Variants in PTPRO observed in about 807,000 individuals in gnomAD.
PTPRO encodes protein tyrosine phosphatase receptor type O.
A neutral mutation model predicts 145.2 loss-of-function variants in PTPRO; 62 were observed. That is an observed-to-expected ratio of 0.43 (90% CI 0.35 to 0.53). PTPRO has a LOEUF of 0.53. PTPRO is among the 20% of genes least tolerant of loss of function. The probability of loss-of-function intolerance (pLI) is 0.01; values close to 1 mark genes in which losing one functional copy is unlikely to be tolerated. For missense variants in PTPRO, 1,345 were observed against 1,482.7 expected (o/e 0.91, Z 1.53); for synonymous variants, 565 against 514.7 (o/e 1.10, Z -1.32).
chr12:15,580,488 G>C (rs1944286703), intron 21 of PTPRO, among the ~76,000 whole-genome samples: 1 of 152,200 alleles, frequency 6.6e-6, no homozygotes, highest in East Asian at 1.9e-4. Flanking sequence ...ACAGCCTTCT[G>C]GATAACAATG....
At chr12:15,528,350 A>C (rs1942886522) in intron 12 of PTPRO, among the ~76,000 whole-genome samples, 2 of 137,852 alleles carry the variant, frequency 1.5e-5, no homozygotes, top group African/African-American at 5.9e-5. Context: ...CCCTGTCTCT[A>C]ATAAAAATAC....
At chr12:15,462,353 T>C (rs1209144535) in intron 1 of PTPRO, among the ~76,000 whole-genome samples, 1 of 152,092 alleles carries the variant, frequency 6.6e-6, no homozygotes, top group Non-Finnish European at 1.5e-5. Context: ...CTCAAACTCC[T>C]GACCTCAAGT....
chr12:15,521,371 A>G (rs982933237), intron 10 of PTPRO, among the ~76,000 whole-genome samples: 8 of 152,218 alleles, frequency 5.3e-5, no homozygotes, highest in Non-Finnish European at 1.0e-4. Context: ...AGAAAACTGA[A>G]AGAATACCCA....
rs1304747374 is a variant in PTPRO at position 15,414,831 on chromosome 12, C to T, written c.76-69143C>T. On this transcript the variant is annotated intron_variant, in intron 1 of 26. Transcript: ENST00000281171. ...ATGGATGTGATTTTTTTCTTGGAAA[C>T]GGGAATTTAATCACCTAATAGAGTC... Among the ~76,000 whole-genome samples the T allele has an allele frequency of 2.6e-5, 4 of 152,176 alleles. No homozygotes were observed. The East Asian group carries it at 5.8e-4, about 22-fold the overall frequency.
In PTPRO at chr12:15,505,415, T is replaced by A. The variant is rs186690283; in HGVS notation, c.1267+1346T>A. On this transcript the variant is annotated intron_variant, in intron 6 of 26. Coordinates refer to ENST00000281171, the MANE Select transcript of PTPRO (RefSeq NM_030667.3). ...AGAAATATTTATGGAACCACTTATA[T>A]CTTTCATGCACTCTGCTCTATTCTT... Among the ~76,000 whole-genome samples, 4 of 152,366 alleles carry A rather than the reference T, an allele frequency of 2.6e-5. No homozygotes were observed. The East Asian group carries it at 5.8e-4, about 22-fold the overall frequency.
At chr12:15,452,442 T>A (rs1941071118) in intron 1 of PTPRO, among the ~76,000 whole-genome samples, 1 of 152,144 alleles carries the variant, frequency 6.6e-6, no homozygotes, top group African/African-American at 2.4e-5. Flanking sequence ...CCAATCCTGT[T>A]GACACTATTC....
At chr12:15,580,390 C>G (rs995942168) in intron 21 of PTPRO, among the ~76,000 whole-genome samples, 2 of 152,166 alleles carry the variant, frequency 1.3e-5, no homozygotes, top group Non-Finnish European at 2.9e-5. Context: ...ATTCAGCAAC[C>G]AAATTCAAAG....
At position 15,551,377 on chromosome 12, in the gene PTPRO, C is replaced by T. The variant is rs552963649; in HGVS notation, c.2438-174C>T. Among the ~76,000 whole-genome samples, 28 of 152,218 alleles carry T rather than the reference C, an allele frequency of 1.8e-4. No individual in the cohort carries two copies. In the South Asian group the frequency reaches 5.8e-3, roughly 32 times the overall value. ...CAATACCACTTATCAGTCTAGTTTGCTAAGTTACAGTTGACCAGGAAGAGG... is the reference window on the plus strand; with the variant it reads ...CAATACCACTTATCAGTCTAGTTTGTTAAGTTACAGTTGACCAGGAAGAGG... On this transcript the variant is annotated intron_variant, in intron 14 of 26. Coordinates refer to ENST00000281171, the MANE Select transcript of PTPRO (RefSeq NM_030667.3).
chr12:15,588,869 C>A lies in PTPRO; in HGVS notation c.3411-586C>A, dbSNP rs533488405. On this transcript the variant is annotated intron_variant, in intron 24 of 26. Coordinates refer to ENST00000281171, the MANE Select transcript of PTPRO (RefSeq NM_030667.3). ...CCCTACTTTTCTGCAGAAGCAGAGA[C>A]CCCGATAAAGGGTGTGGCCAATGCA... Among the ~76,000 whole-genome samples, 12 of 152,238 alleles carry A rather than the reference C, an allele frequency of 7.9e-5. No homozygotes were observed. In the East Asian group the frequency reaches 2.3e-3, roughly 29 times the overall value.
At chr12:15,339,239 G>A (rs1484225099) in intron 1 of PTPRO, among the ~76,000 whole-genome samples, 1 of 152,126 alleles carries the variant, frequency 6.6e-6, no homozygotes, top group Non-Finnish European at 1.5e-5. Flanking sequence ...ATTGGAGAAA[G>A]AGAAGAACAG....
intron 1 of PTPRO, among the ~76,000 whole-genome samples, chr12:15,439,154 A>G (rs1940684743): frequency 6.6e-6 from 1 of 152,210 alleles, no homozygotes; most frequent in Non-Finnish European, 1.5e-5. Flanking sequence ...ATTCCAACCA[A>G]GAATTCTATA....
At chr12:15,367,801 G>A (rs886752248) in intron 1 of PTPRO, among the ~76,000 whole-genome samples, 1 of 152,146 alleles carries the variant, frequency 6.6e-6, no homozygotes, top group African/African-American at 2.4e-5. Context: ...CAAAGGAAAT[G>A]AAGTGGACAG....
At chr12:15,402,677 T>C (rs1391011669) in intron 1 of PTPRO, among the ~76,000 whole-genome samples, 2 of 152,114 alleles carry the variant, frequency 1.3e-5, no homozygotes, top group African/African-American at 2.4e-5. Context: ...ATAATCAGGG[T>C]GACAAATGAC....
rs145263756 is a variant in PTPRO, at chr12:15,488,433, G to A, written c.349+4186G>A. Reference sequence around the variant, plus strand: ...AAAAGAGGGAATTGAAGTACATGATGACTAAGATAAATTTTGAGCTCTGAA... The same window carrying A: ...AAAAGAGGGAATTGAAGTACATGATAACTAAGATAAATTTTGAGCTCTGAA... On this transcript the variant is annotated intron_variant, in intron 2 of 26. Coordinates refer to ENST00000281171, the MANE Select transcript of PTPRO (RefSeq NM_030667.3). Among the ~76,000 whole-genome samples the A allele has an allele frequency of 6.5e-3, 993 of 152,268 alleles. 4 individuals carry two copies. Among genetic ancestry groups the A allele is most frequent in the Middle Eastern group, 0.031 (9 of 294 alleles).
Position 15,564,699 on chromosome 12 carries a change from G to A in PTPRO, c.2712-894G>A, listed in dbSNP as rs191350366. Among the ~76,000 whole-genome samples the A allele has an allele frequency of 9.2e-5, 14 of 152,256 alleles. 1 individual carries two copies. The highest frequency in any genetic ancestry group is 3.4e-3 in the Middle Eastern group (1 of 294). The stretch of plus-strand genomic sequence containing the variant: ...TACAACTGGTTATTTACTATAGACT[G>A]TTTATTTTCTGAAAAGTTGGGTGCT... On this transcript the variant is annotated intron_variant, in intron 17 of 26. Coordinates refer to ENST00000281171, the MANE Select transcript of PTPRO (RefSeq NM_030667.3).
intron 1 of PTPRO, among the ~76,000 whole-genome samples, chr12:15,468,047 C>A (rs1369496870): frequency 6.6e-6 from 1 of 152,292 alleles, no homozygotes; most frequent in East Asian, 1.9e-4. Flanking sequence ...TCATCTTATA[C>A]CCTTTTTTTA....
intron 12 of PTPRO, among the ~76,000 whole-genome samples, chr12:15,539,166 G>A (rs2135536014): frequency 6.6e-6 from 1 of 152,112 alleles, no homozygotes; most frequent in South Asian, 2.1e-4. Context: ...GGGTGAGGGG[G>A]TGGGAAGTGG....
At chr12:15,536,823 G>A (rs898331546) in intron 12 of PTPRO, among the ~76,000 whole-genome samples, 2 of 152,118 alleles carry the variant, frequency 1.3e-5, no homozygotes, top group African/African-American at 2.4e-5. Flanking sequence ...AAGTGTTCCC[G>A]TGTGGACATT....
intron 6 of PTPRO, among the ~76,000 whole-genome samples, chr12:15,504,826 A>G (rs548647095): frequency 3.7e-4 from 57 of 152,240 alleles, no homozygotes; most frequent in Non-Finnish European, 5.9e-4. Flanking sequence ...TGCCATCTGG[A>G]AAGGCAAATA....
Sources: allele counts gnomAD v4.1 joint callset (sites outside exome capture counted in the v4.1 genomes callset), GRCh38; gene constraint gnomAD v4.1.1; transcripts MANE v1.5; gene names NCBI Gene and HGNC (gene_info 2026-07-23, HGNC 2026-07-21).